The following SH2B3 variants were observed in gnomAD, a reference collection of about 807,000 sequenced individuals.
SH2B3 encodes SH2B adaptor protein 3.
A neutral mutation model predicts 51.9 loss-of-function variants in SH2B3; 43 were observed. The observed-to-expected ratio is 0.83, with a 90% CI of 0.65 to 1.07. The LOEUF (loss-of-function observed/expected upper bound fraction) is 1.07. SH2B3 is among the 50% of genes least tolerant of loss of function. The pLI, the probability that SH2B3 is intolerant of heterozygous loss-of-function variation, is 0.00. For missense variants in SH2B3, 952 were observed against 834.3 expected, an observed-to-expected ratio of 1.14 and a Z score of -1.74; for synonymous variants, 396 against 376.0, an observed-to-expected ratio of 1.05 and a Z score of -0.62.
At position 111,447,703 on chromosome 12, in the gene SH2B3, C is replaced by A; in HGVS notation, c.1284C>A (p.His428Gln). ...LTERGQCRVQHLHFPSVVDML... is the reference protein window; with the variant it reads ...LTERGQCRVQQLHFPSVVDML... ...AGCGGGGCCAGTGCCGTGTGCAGCA[C>A]CTCCACTTTCCCTCGGTCGTGGACA... The change falls in exon 7 of 8, where the codon CAC (histidine) becomes CAA (glutamine). Residue 428 changes from histidine to glutamine, a missense_variant. By Grantham distance (24) the His-to-Gln change is conservative. Coordinates refer to ENST00000341259, the MANE Select transcript of SH2B3 (RefSeq NM_005475.3). 6.2e-7 allele frequency: 1 copy of A among 1,613,960 alleles called. No individual in the cohort carries two copies. The highest frequency in any genetic ancestry group is 1.1e-5 in the South Asian group (1 of 91,078).
At chr12:111,446,138 C>G (rs1873932603) in intron 2 of SH2B3, among the ~76,000 whole-genome samples, 1 of 152,212 alleles carries the variant, frequency 6.6e-6, no homozygotes, top group Non-Finnish European at 1.5e-5. Context: ...AGGGGCAAAC[C>G]CCCTCCTGAG....
chr12:111,439,166 T>G (rs1400766846), intron 2 of SH2B3, among the ~76,000 whole-genome samples: 1 of 151,972 alleles, frequency 6.6e-6, no homozygotes, highest in Non-Finnish European at 1.5e-5. Context: ...TTTTTTTGTG[T>G]GAGATGGAGT....
chr12:111,420,386 A>G (rs1029439146), intron 2 of SH2B3, among the ~76,000 whole-genome samples: 3 of 151,498 alleles, frequency 2.0e-5, no homozygotes, highest in African/African-American at 7.3e-5. Flanking sequence ...AAAAAAAAAA[A>G]AAAAAGTTCT....
chr12:111,445,356 G>A (rs1316949044), intron 2 of SH2B3, among the ~76,000 whole-genome samples: 1 of 152,226 alleles, frequency 6.6e-6, no homozygotes, highest in Non-Finnish European at 1.5e-5. Flanking sequence ...TGCAGGGCTG[G>A]CTGGCTGTAA....
chr12:111,418,247 C>A lies in SH2B3; in HGVS notation c.102C>A (p.Ala34=), dbSNP rs749931559. The A allele has an allele frequency of 4.5e-6, 7 of 1,544,388 alleles. No individual in the cohort carries two copies. The highest frequency in any genetic ancestry group is 6.1e-6 in the Non-Finnish European group (7 of 1,153,212). ...GGAGCGAGTTCTGTGAGTTGCACGC[C>A]GTAGCGGCGGCCCGGGAGCTGGCCC... ...RGWSEFCELH[A]VAAARELARQ... Residue 34 remains alanine, a synonymous_variant, in exon 2 of 8, where the codon GCC becomes GCA. Coordinates refer to ENST00000341259, the MANE Select transcript of SH2B3 (RefSeq NM_005475.3). The surrounding 1 kb of genome is among the most constrained non-coding windows in gnomAD (Gnocchi z 6.7).
At position 111,435,903 on chromosome 12, in the gene SH2B3, C is replaced by T. The variant is rs1454965453; in HGVS notation, c.733-10850C>T. Among the ~76,000 whole-genome samples the T allele has an allele frequency of 2.0e-5, 3 of 152,156 alleles. No individual in the cohort carries two copies. Among genetic ancestry groups the T allele is most frequent in the South Asian group, 2.1e-4 (1 of 4,826 alleles). On this transcript the variant is annotated intron_variant, in intron 2 of 7. Coordinates refer to ENST00000341259, the MANE Select transcript of SH2B3 (RefSeq NM_005475.3). This position sits in a 1 kb window ranked among gnomAD's most constrained non-coding sequence, Gnocchi z 4.8. The stretch of plus-strand genomic sequence containing the variant: ...GGGAGCAGGATGTGGTCGTGCGAGG[C>T]GTGGGCTGACGGCAGCTGGCATGCA...
intron 2 of SH2B3, among the ~76,000 whole-genome samples, chr12:111,434,564 C>T (rs968602984): frequency 3.9e-5 from 6 of 152,184 alleles, no homozygotes; most frequent in Admixed American, 1.3e-4. Flanking sequence ...TCCTGCATTT[C>T]TTGACCTATG....
intron 2 of SH2B3, among the ~76,000 whole-genome samples, chr12:111,432,520 T>A (rs1441761480): frequency 2.0e-5 from 3 of 152,216 alleles, no homozygotes; most frequent in African/African-American, 7.2e-5. Flanking sequence ...GAGATATAAT[T>A]TACAAACCAT....
rs739496 is a variant in SH2B3, at chr12:111,449,855, A to G, written c.*1553A>G. The G allele has an allele frequency of 0.27, 41,645 of 152,044 alleles. 7,093 individuals are homozygous for G. Among genetic ancestry groups the G allele is most frequent in the East Asian group, 0.9 (4,640 of 5,174 alleles). 9.4% of individuals were successfully genotyped at this position (152,044 alleles called of 1,614,324 possible). On this transcript the variant is annotated 3_prime_UTR_variant, in exon 8 of 8. Coordinates refer to ENST00000341259, the MANE Select transcript of SH2B3 (RefSeq NM_005475.3). ...CACTTATACTTAGTCTCTGTGCTCC[A>G]AGAGGTCAAATTTTTGCTTCTAGAA...
Position 111,429,245 on chromosome 12 carries a change from A to C in SH2B3, c.732+10368A>C, listed in dbSNP as rs908588178. Among the ~76,000 whole-genome samples, 4 of 152,176 alleles carry C rather than the reference A, an allele frequency of 2.6e-5. No individual in the cohort carries two copies. Among genetic ancestry groups the C allele is most frequent in the African/African-American group, 7.2e-5 (3 of 41,428 alleles). The stretch of plus-strand genomic sequence containing the variant: ...ATCAACTGAGTGCTGTCTGGGAAGC[A>C]CCTAGAGCTGTGCCCAACACAGCCA... On this transcript the variant is annotated intron_variant, in intron 2 of 7. Transcript: ENST00000341259. This position sits in a 1 kb window ranked among gnomAD's most constrained non-coding sequence, Gnocchi z 4.4.
Position 111,447,194 on chromosome 12 carries a change from G to C in SH2B3, c.996G>C (p.Arg332Ser). 1.9e-6 allele frequency: 3 copies of C among 1,613,766 alleles called. No individual in the cohort carries two copies. The highest frequency in any genetic ancestry group is 2.5e-6 in the Non-Finnish European group (3 of 1,179,692). ...AGCCTAGCACGTCCAGCTCCCCAAG[G>C]GGCAGCACAGATTCCCTTAACCAAG... ...ALEPSTSSSP[R>S]GSTDSLNQGA... The change falls in exon 5 of 8, where the codon AGG (arginine) becomes AGC (serine). Residue 332 changes from arginine (R) to serine (S), a missense_variant. Transcript: ENST00000341259.
intron 2 of SH2B3, among the ~76,000 whole-genome samples, chr12:111,440,413 G>A (rs1873296166): frequency 1.3e-5 from 2 of 152,228 alleles, no homozygotes; most frequent in Non-Finnish European, 2.9e-5. Flanking sequence ...GTCCTTGATG[G>A]TGTGACGCCC....
chr12:111,450,465 A>G lies in SH2B3; in HGVS notation c.*2163A>G, dbSNP rs1209951133. The G allele has an allele frequency of 6.6e-6, 1 of 152,234 alleles. No individual in the cohort carries two copies. Among genetic ancestry groups the G allele is most frequent in the Non-Finnish European group, 1.5e-5 (1 of 68,040 alleles). The allele number at this position is 152,234 out of a possible 1,614,324, so 9.4% of individuals were successfully genotyped here. A position where few individuals can be genotyped will look rare whatever the true frequency, so the allele number is the denominator to read the frequency against. The stretch of plus-strand genomic sequence containing the variant: ...ACTGGTCCTCCCCTCCGCACAGGAA[A>G]GGTACCCAGTAGATAATGAACCAAA... On this transcript the variant is annotated 3_prime_UTR_variant, in exon 8 of 8. Coordinates refer to ENST00000341259, the MANE Select transcript of SH2B3 (RefSeq NM_005475.3).
chr12:111,435,119 C>A lies in SH2B3; in HGVS notation c.733-11634C>A. ...GTGCACTCTCCCCACCCGAGACGGG[C>A]GACAGAGGTTTTTTGTTGTTTCTTA... On this transcript the variant is annotated intron_variant, in intron 2 of 7. Transcript: ENST00000341259. The surrounding 1 kb of genome is among the most constrained non-coding windows in gnomAD (Gnocchi z 4.8). The A allele has an allele frequency of 9.7e-7, 1 of 1,034,520 alleles. No homozygotes were observed. The highest frequency in any genetic ancestry group is 1.4e-6 in the Non-Finnish European group (1 of 717,870). 64.1% of individuals were successfully genotyped at this position (1,034,520 alleles called of 1,614,324 possible). A position where few individuals can be genotyped will look rare whatever the true frequency, so the allele number is the denominator to read the frequency against.
intron 2 of SH2B3, among the ~76,000 whole-genome samples, chr12:111,441,957 G>A (rs188974068): frequency 6.6e-6 from 1 of 151,806 alleles, no homozygotes; most frequent in East Asian, 1.9e-4. Flanking sequence ...TTTAAGACAG[G>A]GTCTCACTCT....
intron 2 of SH2B3, among the ~76,000 whole-genome samples, chr12:111,419,391 C>T (rs1338583908): frequency 1.3e-5 from 2 of 152,200 alleles, no homozygotes; most frequent in Middle Eastern, 3.2e-3. Flanking sequence ...AACCCCAGCA[C>T]TTTGGGAGGC....
At chr12:111,431,511 A>G (rs1320275852) in intron 2 of SH2B3, among the ~76,000 whole-genome samples, 1 of 151,578 alleles carries the variant, frequency 6.6e-6, no homozygotes, top group African/African-American at 2.4e-5. Context: ...ACAGTAACAG[A>G]AAAACCTCCC....
chr12:111,443,736 T>C (rs1484139617), intron 2 of SH2B3: 1 of 152,240 alleles, frequency 6.6e-6, no homozygotes, highest in Non-Finnish European at 1.5e-5. Context: ...CAGGCTTTAC[T>C]CACCGGCCTG....
Position 111,418,838 on chromosome 12 carries a change from TG to T in SH2B3, c.695del (p.Gly232AlafsTer46), listed in dbSNP as rs1399344070. On this transcript the variant is annotated frameshift_variant, in exon 2 of 8. Coordinates refer to ENST00000341259, the MANE Select transcript of SH2B3 (RefSeq NM_005475.3). LOFTEE classifies it high-confidence loss of function. This position sits in a 1 kb window ranked among gnomAD's most constrained non-coding sequence, Gnocchi z 6.7. The part of the protein sequence containing the change: ...LALRRAPGPD[G>X]PDRVLELFDP... ...CGCTGCGCCGGGCCCCGGGCCCCGATGGCCCCGACCGCGTGCTGGAGCTCTT... is the reference window on the plus strand; with the variant it reads ...CGCTGCGCCGGGCCCCGGGCCCCGATGCCCCGACCGCGTGCTGGAGCTCTT... 1 of 1,420,298 alleles carries T rather than the reference TG, an allele frequency of 7.0e-7. No individual in the cohort carries two copies. The highest frequency in any genetic ancestry group is 1.5e-5 in the African/African-American group (1 of 65,728). 88.0% of individuals were successfully genotyped at this position (1,420,298 alleles called of 1,614,324 possible). A position where few individuals can be genotyped will look rare whatever the true frequency, so the allele number is the denominator to read the frequency against.
Sources: gnomAD v4.1 joint callset for allele counts (sites outside exome capture counted in the v4.1 genomes callset) on GRCh38, gnomAD v4.1.1 for gene constraint, Gnocchi (gnomAD v3.1) non-coding constraint, MANE v1.5 for transcripts, NCBI Gene and HGNC (gene_info 2026-07-23, HGNC 2026-07-21) for gene names.